Variants in MACROD2 observed in about 807,000 individuals in gnomAD.
MACROD2 encodes mono-ADP ribosylhydrolase 2.
A neutral mutation model predicts 70.4 loss-of-function variants in MACROD2; 36 were observed. That is an observed-to-expected ratio of 0.51 (90% confidence interval 0.39 to 0.68). MACROD2 has a LOEUF of 0.68. MACROD2 is among the 30% of genes least tolerant of loss of function. The pLI is 0.00. For synonymous variants in MACROD2, 172 were observed against 178.8 expected (o/e 0.96, Z 0.30); for missense variants, 496 against 538.4 (o/e 0.92, Z 0.78).
chr20:15,521,709 C>T (rs559241053), intron 8 of MACROD2, among the ~76,000 whole-genome samples: 13 of 152,216 alleles, frequency 8.5e-5, no homozygotes, highest in South Asian at 2.1e-4. Flanking sequence ...AGATTATGGA[C>T]GGTAAAAACC....
intron 5 of MACROD2, among the ~76,000 whole-genome samples, chr20:15,212,599 C>T (rs2076773722): frequency 6.6e-6 from 1 of 152,162 alleles, no homozygotes; most frequent in Non-Finnish European, 1.5e-5. Flanking sequence ...AGGTCAAGGT[C>T]ATTAACACAA....
At chr20:15,175,194 C>T (rs1478912263) in intron 5 of MACROD2, among the ~76,000 whole-genome samples, 6 of 147,564 alleles carry the variant, frequency 4.1e-5, no homozygotes, top group East Asian at 4.0e-4. Context: ...AACCAAACAC[C>T]GCATATTGTC....
At chr20:14,730,783 A>C (rs575129054) in intron 5 of MACROD2, among the ~76,000 whole-genome samples, 1 of 151,458 alleles carries the variant, frequency 6.6e-6, no homozygotes. Flanking sequence ...AAAAACAGAT[A>C]AAAAAAATAC....
chr20:15,817,076 G>A (rs1442506953), intron 8 of MACROD2, among the ~76,000 whole-genome samples: 1 of 152,124 alleles, frequency 6.6e-6, no homozygotes, highest in East Asian at 1.9e-4. Context: ...ACAAGTTGTG[G>A]GCTCAATTAA....
chr20:15,457,433 T>G (rs1260020003), intron 7 of MACROD2, among the ~76,000 whole-genome samples: 1 of 152,152 alleles, frequency 6.6e-6, no homozygotes, highest in Non-Finnish European at 1.5e-5. Flanking sequence ...ACCAATTTAT[T>G]TCATGTGATT....
At chr20:15,389,610 A>G (rs761368801) in intron 6 of MACROD2, among the ~76,000 whole-genome samples, 1 of 152,248 alleles carries the variant, frequency 6.6e-6, no homozygotes, top group Non-Finnish European at 1.5e-5. Flanking sequence ...ATTTTTACTA[A>G]TTAAGATAAA....
At chr20:14,226,690 G>A (rs1418180972) in intron 3 of MACROD2, among the ~76,000 whole-genome samples, 1 of 152,196 alleles carries the variant, frequency 6.6e-6, no homozygotes, top group East Asian at 1.9e-4. Flanking sequence ...CCCCAGCAGT[G>A]CCAGCCCACC....
intron 8 of MACROD2, among the ~76,000 whole-genome samples, chr20:15,748,525 G>A (rs560102050): frequency 3.3e-5 from 5 of 152,004 alleles, no homozygotes; most frequent in South Asian, 4.2e-4. Context: ...AAAATGTAGC[G>A]TTCTGAAGCT....
intron 5 of MACROD2, among the ~76,000 whole-genome samples, chr20:15,200,781 T>C (rs1362532095): frequency 6.6e-6 from 1 of 152,244 alleles, no homozygotes; most frequent in African/African-American, 2.4e-5. Flanking sequence ...TTAATGTTTA[T>C]ACAGATCCTC....
At chr20:14,782,426 T>A (rs2123787710) in intron 5 of MACROD2, among the ~76,000 whole-genome samples, 1 of 152,234 alleles carries the variant, frequency 6.6e-6, no homozygotes, top group South Asian at 2.1e-4. Context: ...CATTACTGAA[T>A]TTATGTAAAT....
chr20:14,176,120 T>C (rs1321121242), intron 3 of MACROD2, among the ~76,000 whole-genome samples: 1 of 152,174 alleles, frequency 6.6e-6, no homozygotes, highest in Non-Finnish European at 1.5e-5. Context: ...TTACCTAAAA[T>C]GTAGAATCCA....
intron 4 of MACROD2, among the ~76,000 whole-genome samples, chr20:14,649,551 C>A (rs1414892953): frequency 6.6e-6 from 1 of 152,110 alleles, no homozygotes; most frequent in Non-Finnish European, 1.5e-5. Context: ...GACCTTAGCT[C>A]AGTGAGCCAA....
chr20:15,300,576 G>T (rs1600216669), intron 6 of MACROD2, among the ~76,000 whole-genome samples: 1 of 152,200 alleles, frequency 6.6e-6, no homozygotes, highest in Non-Finnish European at 1.5e-5. Flanking sequence ...TAACAGGCTA[G>T]CTAGGTGATT....
At position 14,100,828 on chromosome 20, in the gene MACROD2, CAT is replaced by C. The variant is rs1307551038; in HGVS notation, c.271+15106_271+15107del. ...ATATATAATCATATATCATATATAA[CAT>C]ATATAATATAATATAATATATATCA... is the stretch of plus-strand genomic sequence containing the variant. On this transcript the variant is annotated intron_variant, in intron 3 of 17. Coordinates refer to ENST00000684519, the MANE Select transcript of MACROD2 (RefSeq NM_001351661.2). 9.0e-3 allele frequency among the ~76,000 whole-genome samples: 1,158 copies of C among 128,054 alleles called. 14 individuals are homozygous for C. The highest frequency in any genetic ancestry group is 0.011 in the Non-Finnish European group (699 of 61,090). 84.0% of individuals were successfully genotyped at this position (128,054 alleles called of 152,430 possible). A position where few individuals can be genotyped will look rare whatever the true frequency, so the allele number is the denominator to read the frequency against.
chr20:14,458,290 A>C (rs1472654974), intron 3 of MACROD2, among the ~76,000 whole-genome samples: 1 of 152,122 alleles, frequency 6.6e-6, no homozygotes, highest in African/African-American at 2.4e-5. Context: ...GGCATATTTT[A>C]ACATATTTCA....
chr20:14,063,260 G>A (rs2053710805), intron 2 of MACROD2, among the ~76,000 whole-genome samples: 1 of 152,126 alleles, frequency 6.6e-6, no homozygotes, highest in Admixed American at 6.5e-5. Context: ...TGATTCCATG[G>A]TTTAATTTAA....
intron 5 of MACROD2, among the ~76,000 whole-genome samples, chr20:15,034,670 T>C (rs2075299887): frequency 6.6e-6 from 1 of 152,196 alleles, no homozygotes; most frequent in African/African-American, 2.4e-5. Flanking sequence ...CCATGATATA[T>C]TTTGAGTTAA....
chr20:15,985,333 C>T (rs1397715988), intron 13 of MACROD2, among the ~76,000 whole-genome samples: 1 of 152,142 alleles, frequency 6.6e-6, no homozygotes, highest in African/African-American at 2.4e-5. Flanking sequence ...TCACGAAATT[C>T]AAAATCCGAG....
intron 6 of MACROD2, among the ~76,000 whole-genome samples, chr20:15,402,947 T>G (rs1022049096): frequency 3.9e-5 from 6 of 152,010 alleles, no homozygotes; most frequent in African/African-American, 1.2e-4. Context: ...ACAGGTGTTT[T>G]TTTTGTTTTG....
Sources: allele counts gnomAD v4.1 joint callset (sites outside exome capture counted in the v4.1 genomes callset), GRCh38; gene constraint gnomAD v4.1.1; transcripts MANE v1.5; gene names NCBI Gene and HGNC (gene_info 2026-07-23, HGNC 2026-07-21).